Variants in NR1I2 observed in about 807,000 individuals in gnomAD.
NR1I2 encodes orphan nuclear receptor PAR1.
A neutral mutation model predicts 43.3 loss-of-function variants in NR1I2; 42 were observed. That is an observed-to-expected ratio of 0.97 (90% CI 0.76 to 1.26). The LOEUF is 1.26. NR1I2 is among the 50% of genes most tolerant of loss of function. NR1I2 has a pLI of 0.00. For synonymous variants in NR1I2, 229 were observed against 215.0 expected (o/e 1.06, Z -0.57); for missense variants, 559 against 566.7 (o/e 0.99, Z 0.14).
At chr3:119,811,345 G>A in intron 3 of NR1I2, 194 bp from the exon 4 acceptor site, 10 of 598,868 alleles carry the variant, frequency 1.7e-5, no homozygotes, top group Non-Finnish European at 2.6e-5. Context: ...CCTCATCTCT[G>A]TCCTCACCCA....
intron 1 of NR1I2, among the ~76,000 whole-genome samples, chr3:119,795,484 C>G (rs1211330235): frequency 6.6e-6 from 1 of 152,100 alleles, no homozygotes; most frequent in Non-Finnish European, 1.5e-5. Flanking sequence ...TGGCCAGCAG[C>G]CCTCTTCTTT....
intron 5 of NR1I2, 147 bp downstream of exon 5, chr3:119,813,107 GCT>G: frequency 1.1e-6 from 1 of 921,076 alleles, no homozygotes; most frequent in Non-Finnish European, 1.7e-6. Context: ...GGCAGCCAGT[GCT>G]GCTGGGGAGT....
rs761098506 is a variant in NR1I2, at chr3:119,817,068, GTTC to G, written c.1164_1166del (p.Phe388del). Reference sequence around the variant, plus strand: ...AATCTTTTCTCTGGCTGGCATGCAGGTTCTTGTTCCTGAAGATCATGGCTATGC... The same window carrying G: ...AATCTTTTCTCTGGCTGGCATGCAGGTTGTTCCTGAAGATCATGGCTATGC... On this transcript the variant is annotated inframe_deletion and splice_region_variant, in exon 9 of 9. Transcript: ENST00000393716. 3 of 1,614,076 alleles carry G rather than the reference GTTC, an allele frequency of 1.9e-6. No individual in the cohort carries two copies. The African/African-American group carries it at 4.0e-5, about 22-fold the overall frequency.
At chr3:119,798,030 C>T (rs2055024037) in intron 1 of NR1I2, among the ~76,000 whole-genome samples, 1 of 151,784 alleles carries the variant, frequency 6.6e-6, no homozygotes, top group Non-Finnish European at 1.5e-5. Context: ...GTCATCGATT[C>T]CCAGCAATTT....
chr3:119,788,304 G>T (rs2054873126), intron 1 of NR1I2, among the ~76,000 whole-genome samples: 1 of 151,982 alleles, frequency 6.6e-6, no homozygotes. Flanking sequence ...TTTTGGTAGA[G>T]ACAAAGTCTC....
At chr3:119,806,209 T>G (rs2055158610) in intron 1 of NR1I2, among the ~76,000 whole-genome samples, 1 of 152,186 alleles carries the variant, frequency 6.6e-6, no homozygotes, top group African/African-American at 2.4e-5. Context: ...ATCCTCAGTG[T>G]CTGTTCCAAG....
At chr3:119,783,356 T>G (rs988215998) in intron 1 of NR1I2, among the ~76,000 whole-genome samples, 2 of 152,028 alleles carry the variant, frequency 1.3e-5, no homozygotes, top group African/African-American at 2.4e-5. Context: ...ATGGCTGTTT[T>G]TGCCCTACAA....
intron 1 of NR1I2, among the ~76,000 whole-genome samples, chr3:119,799,981 AACAAACAC>A (rs1369572725): frequency 7.6e-6 from 1 of 131,466 alleles, no homozygotes; most frequent in African/African-American, 2.8e-5. Context: ...CAAACAAACA[AACAAACAC>A]ACACACACAC....
intron 5 of NR1I2, among the ~76,000 whole-genome samples, chr3:119,814,375 G>A (rs1366033761): frequency 1.1e-4 from 16 of 152,306 alleles, no homozygotes; most frequent in Middle Eastern, 3.4e-3. Flanking sequence ...GTGCTTCAGC[G>A]CTAGGAGTGG....
In NR1I2 at chr3:119,811,531, C is replaced by A; in HGVS notation, c.332-8C>A. 6.2e-7 allele frequency: 1 copy of A among 1,609,752 alleles called. No homozygotes were observed. The highest frequency in any genetic ancestry group is 8.5e-7 in the Non-Finnish European group (1 of 1,177,774). ...CGTGTGCCTGAGCCAGCCTCACTGTCCCTGCAGTGATCATGTCCGACGAGG... is the reference window on the plus strand; with the variant it reads ...CGTGTGCCTGAGCCAGCCTCACTGTACCTGCAGTGATCATGTCCGACGAGG... On this transcript the variant is annotated splice_region_variant and splice_polypyrimidine_tract_variant and intron_variant, in intron 3 of 8. Transcript: ENST00000393716.
In NR1I2 at chr3:119,817,506, G is replaced by A; in HGVS notation, c.*294G>A. On this transcript the variant is annotated 3_prime_UTR_variant, in exon 9 of 9. Transcript: ENST00000393716. ...CAAGGTTGCCCTTTCCTTTTAAAAG[G>A]CCCTGTGGTCTGGGGAGAAATCCCT... 3 of 1,273,796 alleles carry A rather than the reference G, an allele frequency of 2.4e-6. No individual in the cohort carries two copies. Among genetic ancestry groups the A allele is most frequent in the Non-Finnish European group, 3.0e-6 (3 of 996,838 alleles). 78.9% of individuals were successfully genotyped at this position (1,273,796 alleles called of 1,614,324 possible). A position where few individuals can be genotyped will look rare whatever the true frequency, so the allele number is the denominator to read the frequency against.
intron 1 of NR1I2, chr3:119,792,630 C>T (rs1353136109): frequency 1.4e-5 from 8 of 586,266 alleles, no homozygotes; most frequent in Non-Finnish European, 2.5e-5. Flanking sequence ...TTCCTTCTGC[C>T]TCCACTCCAG....
chr3:119,815,948 C>A, intron 8 of NR1I2, 117 bp downstream of exon 8: 1 of 822,632 alleles, frequency 1.2e-6, no homozygotes. Flanking sequence ...CCAGCCAGAC[C>A]AGGTCCAAAG....
chr3:119,809,996 C>A, intron 2 of NR1I2, 65 bp from the exon 3 acceptor site: 2 of 1,602,918 alleles, frequency 1.2e-6, no homozygotes, highest in African/African-American at 1.3e-5. Flanking sequence ...TGGTATGGCC[C>A]GGAGCCCCAG....
In NR1I2 at chr3:119,812,798, T is replaced by C; in HGVS notation, c.632T>C (p.Val211Ala). 1 of 1,614,108 alleles carries C rather than the reference T, an allele frequency of 6.2e-7. No homozygotes were observed. Among genetic ancestry groups the C allele is most frequent in the South Asian group, 1.1e-5 (1 of 91,080 alleles). Reference sequence around the variant, plus strand: ...CGGAAAGATCTGTGCTCTTTGAAGGTCTCTCTGCAGCTGCGGGGGGAGGAT... The same window carrying C: ...CGGAAAGATCTGTGCTCTTTGAAGGCCTCTCTGCAGCTGCGGGGGGAGGAT... Residue 211 changes from valine (V) to alanine (A), a missense_variant, in exon 5 of 9, where the codon GTC becomes GCC. Transcript: ENST00000393716.
At chr3:119,800,070 T>C (rs2055058351) in intron 1 of NR1I2, among the ~76,000 whole-genome samples, 1 of 152,206 alleles carries the variant, frequency 6.6e-6, no homozygotes, top group Non-Finnish European at 1.5e-5. Context: ...AATCTTTCCC[T>C]AACCATAAGA....
intron 1 of NR1I2, among the ~76,000 whole-genome samples, chr3:119,794,322 A>G (rs2054964561): frequency 6.6e-6 from 1 of 151,690 alleles, no homozygotes; most frequent in Non-Finnish European, 1.5e-5. Flanking sequence ...CCTCCTGAGT[A>G]GCTGGGACCA....
chr3:119,786,785 A>T (rs906053324), intron 1 of NR1I2, among the ~76,000 whole-genome samples: 23 of 152,190 alleles, frequency 1.5e-4, no homozygotes, highest in African/African-American at 5.3e-4. Flanking sequence ...TCTTTCTTGA[A>T]TTCATAAACC....
rs1166961338 is a variant in NR1I2, at chr3:119,812,971, G to A, written c.794+11G>A. The A allele has an allele frequency of 6.2e-7, 1 of 1,611,896 alleles. No homozygotes were observed. Among genetic ancestry groups the A allele is most frequent in the East Asian group, 2.2e-5 (1 of 44,888 alleles). On this transcript the variant is annotated intron_variant, in intron 5 of 8. Coordinates refer to ENST00000393716, the MANE Select transcript of NR1I2 (RefSeq NM_003889.4). ...CATCTCCTACTTCAGGTAGGACATG[G>A]AGACTGGGTGGTTGGGTGTGGAAAA...
Sources: allele counts gnomAD v4.1 joint callset (sites outside exome capture counted in the v4.1 genomes callset), GRCh38; gene constraint gnomAD v4.1.1; transcripts MANE v1.5; gene names NCBI Gene and HGNC (gene_info 2026-07-23, HGNC 2026-07-21).